Variants in KCNB2 observed in about 807,000 individuals in gnomAD.
KCNB2 encodes the protein delayed rectifier potassium channel protein.
In KCNB2, 15 loss-of-function variants were observed where a neutral mutation model predicts 61.5. That is an observed-to-expected ratio of 0.24 (90% CI 0.16 to 0.38). The LOEUF (loss-of-function observed/expected upper bound fraction) is 0.38, where lower values mean the gene tolerates loss of function less well. Among genes scored for constraint, KCNB2 ranks in the 10% least tolerant of loss-of-function variants. KCNB2 has a pLI of 1.00. For synonymous variants in KCNB2, 457 were observed against 446.0 expected (o/e 1.02, Z -0.31); for missense variants, 828 against 1,125.2 (o/e 0.74, Z 3.78).
intron 2 of KCNB2, among the ~76,000 whole-genome samples, chr8:72,631,059 T>C (rs1453418705): frequency 6.6e-6 from 1 of 152,104 alleles, no homozygotes; most frequent in Non-Finnish European, 1.5e-5. Flanking sequence ...TTAGGCACAA[T>C]AAGAGATGAA....
At chr8:72,888,464 T>A (rs901887804) in intron 2 of KCNB2, among the ~76,000 whole-genome samples, 1 of 152,164 alleles carries the variant, frequency 6.6e-6, no homozygotes, top group Non-Finnish European at 1.5e-5. Flanking sequence ...TTATAAAAGA[T>A]ACTTTTAAGC....
At chr8:72,584,896 C>T (rs1806979804) in intron 2 of KCNB2, among the ~76,000 whole-genome samples, 1 of 152,140 alleles carries the variant, frequency 6.6e-6, no homozygotes, top group Admixed American at 6.5e-5. Context: ...TCTCTCTCCC[C>T]ATCTCTCCCA....
chr8:72,752,024 T>C (rs921409321), intron 2 of KCNB2, among the ~76,000 whole-genome samples: 1 of 152,186 alleles, frequency 6.6e-6, no homozygotes, highest in African/African-American at 2.4e-5. Flanking sequence ...ATATTCAGGA[T>C]TCAAATGATT....
intron 2 of KCNB2, among the ~76,000 whole-genome samples, chr8:72,783,743 C>T (rs1453347981): frequency 6.6e-6 from 1 of 152,178 alleles, no homozygotes; most frequent in Non-Finnish European, 1.5e-5. Context: ...TTCCTGCGTA[C>T]ACCAGGCACG....
intron 1 of KCNB2, among the ~76,000 whole-genome samples, chr8:72,550,153 A>G (rs1213586973): frequency 6.6e-6 from 1 of 152,210 alleles, no homozygotes; most frequent in Non-Finnish European, 1.5e-5. Context: ...ATTATGCTGA[A>G]CTATTTAACT....
intron 2 of KCNB2, among the ~76,000 whole-genome samples, chr8:72,770,973 T>C (rs1808547931): frequency 6.6e-6 from 1 of 152,232 alleles, no homozygotes; most frequent in Non-Finnish European, 1.5e-5. Context: ...TTTAAAAACA[T>C]TCCATTGTGA....
chr8:72,812,133 G>A (rs999424831), intron 2 of KCNB2, among the ~76,000 whole-genome samples: 7 of 152,028 alleles, frequency 4.6e-5, no homozygotes, highest in Non-Finnish European at 7.4e-5. Flanking sequence ...ATAGCAGCTC[G>A]TGCCTGTAAT....
chr8:72,717,691 A>T, intron 2 of KCNB2, among the ~76,000 whole-genome samples: 1 of 152,058 alleles, frequency 6.6e-6, no homozygotes, highest in Non-Finnish European at 1.5e-5. Flanking sequence ...TAAACGTTAG[A>T]CCTCAAACCA....
Position 72,909,223 on chromosome 8 carries a change from T to C in KCNB2, c.580-26712T>C, listed in dbSNP as rs149884458. Among the ~76,000 whole-genome samples, 200 of 152,246 alleles carry C rather than the reference T, an allele frequency of 1.3e-3. 1 individual carries two copies. Among genetic ancestry groups the C allele is most frequent in the Non-Finnish European group, 2.4e-3 (165 of 68,022 alleles). ...AGCTGTGGGCTCACATTGGTGTAGC[T>C]CATGTGTCCCAGGTGACACGTGGTC... On this transcript the variant is annotated intron_variant, in intron 2 of 2. Coordinates refer to ENST00000523207, the MANE Select transcript of KCNB2 (RefSeq NM_004770.3).
chr8:72,707,829 C>T (rs1041713324), intron 2 of KCNB2, among the ~76,000 whole-genome samples: 2 of 152,116 alleles, frequency 1.3e-5, no homozygotes, highest in African/African-American at 2.4e-5. Context: ...AGGTATCAGC[C>T]AGCAGGAAAC....
At chr8:72,920,371 C>A (rs1806485660) in intron 2 of KCNB2, among the ~76,000 whole-genome samples, 1 of 149,952 alleles carries the variant, frequency 6.7e-6, no homozygotes, top group Non-Finnish European at 1.5e-5. Flanking sequence ...ATAATCCCAG[C>A]ACTTTGGGAG....
chr8:72,937,415 T>C lies in KCNB2; in HGVS notation c.2060T>C (p.Leu687Pro), dbSNP rs763636896. ...NLDASGSQCGLHSPLQSDNAT... is the reference protein window; with the variant it reads ...NLDASGSQCGPHSPLQSDNAT... ...GATGCCAGTGGCTCCCAGTGTGGGC[T>C]ACATAGTCCTTTGCAGTCTGACAAT... is the stretch of plus-strand genomic sequence containing the variant. The change falls in exon 3 of 3, where the codon CTA becomes CCA. Residue 687 changes from leucine to proline, a missense_variant. Physicochemically the swap from Leu to Pro is moderately conservative, Grantham distance 98. Transcript: ENST00000523207. 6.2e-7 allele frequency: 1 copy of C among 1,614,034 alleles called. No individual in the cohort carries two copies. The highest frequency in any genetic ancestry group is 1.1e-5 in the South Asian group (1 of 91,070).
intron 1 of KCNB2, among the ~76,000 whole-genome samples, chr8:72,559,142 T>C (rs536392841): frequency 6.6e-6 from 1 of 152,074 alleles, no homozygotes; most frequent in East Asian, 1.9e-4. Context: ...TATTTTATTT[T>C]ATTTTATTAT....
chr8:72,725,537 A>AAATG (rs1807622382), intron 2 of KCNB2, among the ~76,000 whole-genome samples: 1 of 55,464 alleles, frequency 1.8e-5, no homozygotes. Context: ...ATATATATAT[A>AAATG]TATGTGTGTA....
At chr8:72,830,929 C>G (rs1809683431) in intron 2 of KCNB2, among the ~76,000 whole-genome samples, 1 of 152,182 alleles carries the variant, frequency 6.6e-6, no homozygotes, top group Non-Finnish European at 1.5e-5. Context: ...ACAAAAAATC[C>G]CAGGTTTACC....
At chr8:72,720,072 T>G (rs553002704) in intron 2 of KCNB2, among the ~76,000 whole-genome samples, 1 of 152,306 alleles carries the variant, frequency 6.6e-6, no homozygotes, top group East Asian at 1.9e-4. Context: ...CCCTGCACGT[T>G]TCAGTCTCGC....
intron 2 of KCNB2, among the ~76,000 whole-genome samples, chr8:72,930,311 A>G (rs1288256540): frequency 6.6e-6 from 1 of 151,930 alleles, no homozygotes; most frequent in Non-Finnish European, 1.5e-5. Context: ...TTGGGTATAT[A>G]CCCAGTAATG....
intron 2 of KCNB2, among the ~76,000 whole-genome samples, chr8:72,903,582 A>AAAAT (rs1011919014): frequency 2.0e-5 from 3 of 152,192 alleles, no homozygotes; most frequent in African/African-American, 7.2e-5. Flanking sequence ...CCTTGGCTCA[A>AAAAT]AAATAAATAA....
At chr8:72,753,879 C>T (rs1456017369) in intron 2 of KCNB2, among the ~76,000 whole-genome samples, 1 of 152,150 alleles carries the variant, frequency 6.6e-6, no homozygotes, top group Non-Finnish European at 1.5e-5. Flanking sequence ...ACAGAACACA[C>T]ATTAAGCAAT....
Sources: gnomAD v4.1 joint callset for allele counts (sites outside exome capture counted in the v4.1 genomes callset) on GRCh38, gnomAD v4.1.1 for gene constraint, MANE v1.5 for transcripts, NCBI Gene and HGNC (gene_info 2026-07-23, HGNC 2026-07-21) for gene names.